The following PRELID2 variants were observed in gnomAD, a reference collection of about 807,000 sequenced individuals.
The protein encoded by PRELID2 is PRELI domain containing 2, also known as PRELI domain-containing protein 2.
A neutral mutation model predicts 28.4 loss-of-function variants in PRELID2; 25 were observed. That is an observed-to-expected ratio of 0.88 (90% confidence interval 0.64 to 1.23). The LOEUF (loss-of-function observed/expected upper bound fraction) is 1.23, where lower values mean the gene tolerates loss of function less well. Ranked by LOEUF, PRELID2 falls within the 50% of genes most tolerant of loss-of-function variation. The pLI, the probability that PRELID2 is intolerant of heterozygous loss-of-function variation, is 0.00. For synonymous variants in PRELID2, 76 were observed against 71.6 expected (o/e 1.06, Z -0.31); for missense variants, 201 against 214.4 (o/e 0.94, Z 0.39).
the PRELID2 span, among the ~76,000 whole-genome samples, chr5:145,412,893 G>A: frequency 6.6e-6 from 1 of 152,124 alleles, no homozygotes; most frequent in African/African-American, 2.4e-5. Flanking sequence ...TGAGTGCTGA[G>A]CAAAGGGGCA....
chr5:145,824,334 G>T (rs1000642888), intron 1 of PRELID2, among the ~76,000 whole-genome samples: 1 of 152,008 alleles, frequency 6.6e-6, no homozygotes, highest in East Asian at 1.9e-4. Flanking sequence ...AAGAAGAAAG[G>T]CCCCTCACTT....
chr5:145,630,884 T>C (rs1348328347), intron 1 of PRELID2, among the ~76,000 whole-genome samples: 1 of 152,212 alleles, frequency 6.6e-6, no homozygotes, highest in African/African-American at 2.4e-5. Context: ...TTGAAGAGAA[T>C]ATATAAACAG....
the PRELID2 span, chr5:145,436,977 A>G: frequency 1.3e-5 from 2 of 152,178 alleles, no homozygotes; most frequent in Admixed American, 6.5e-5. Flanking sequence ...TTTCACGTCT[A>G]TTCTTCTCTT....
At chr5:145,570,936 C>T (rs1330375708) in intron 1 of PRELID2, among the ~76,000 whole-genome samples, 1 of 152,198 alleles carries the variant, frequency 6.6e-6, no homozygotes, top group East Asian at 1.9e-4. Context: ...CTTCCTTTAG[C>T]TTCTACAGTT....
chr5:145,377,696 T>C, the PRELID2 span, among the ~76,000 whole-genome samples: 1 of 152,186 alleles, frequency 6.6e-6, no homozygotes, highest in Non-Finnish European at 1.5e-5. Context: ...CCCCGTTTTC[T>C]TGGTAAATTT....
the PRELID2 span, among the ~76,000 whole-genome samples, chr5:145,303,941 CTAT>C: frequency 2.2e-4 from 33 of 152,220 alleles, no homozygotes; most frequent in Admixed American, 1.6e-3. Context: ...TGCTCAGCGA[CTAT>C]TATCAGAGTA....
the PRELID2 span, among the ~76,000 whole-genome samples, chr5:145,379,206 C>T: frequency 6.6e-6 from 1 of 152,112 alleles, no homozygotes; most frequent in African/African-American, 2.4e-5. Flanking sequence ...GGGGAAGGGG[C>T]CAAGGAGGTG....
chr5:145,457,400 C>T, the PRELID2 span, among the ~76,000 whole-genome samples: 1 of 152,160 alleles, frequency 6.6e-6, no homozygotes, highest in Non-Finnish European at 1.5e-5. Flanking sequence ...TTCTCTCCCC[C>T]ACCCTCTATG....
chr5:145,780,519 G>A (rs1758718618), intron 5 of PRELID2, among the ~76,000 whole-genome samples: 1 of 151,994 alleles, frequency 6.6e-6, no homozygotes, highest in Non-Finnish European at 1.5e-5. Flanking sequence ...AGGGAGCTGA[G>A]GAAAAAGAAC....
chr5:145,760,594 T>C (rs1757428152), intron 6 of PRELID2, 69 bp from the exon 7 acceptor site: 1 of 152,214 alleles, frequency 6.6e-6, no homozygotes, highest in Non-Finnish European at 1.5e-5. Flanking sequence ...TTATTTGCCC[T>C]CTTTTCTGAA....
intron 1 of PRELID2, among the ~76,000 whole-genome samples, chr5:145,614,016 C>A (rs1753660200): frequency 6.6e-6 from 1 of 152,122 alleles, no homozygotes; most frequent in South Asian, 2.1e-4. Flanking sequence ...GATGAGGATC[C>A]AGTTTCATTC....
At chr5:145,620,157 C>T (rs566350022) in intron 1 of PRELID2, among the ~76,000 whole-genome samples, 60 of 152,230 alleles carry the variant, frequency 3.9e-4, no homozygotes, top group African/African-American at 1.3e-3. Context: ...TATTTGTAGT[C>T]GCCCTAAATT....
the PRELID2 span, among the ~76,000 whole-genome samples, chr5:145,290,374 T>G: frequency 0.1 from 15,372 of 152,030 alleles, 1,151 homozygotes; most frequent in African/African-American, 0.22. Flanking sequence ...TGATAGACTG[T>G]ATTAAGAAAA....
chr5:145,318,101 G>C, the PRELID2 span, among the ~76,000 whole-genome samples: 3 of 152,108 alleles, frequency 2.0e-5, no homozygotes, highest in African/African-American at 7.2e-5. Flanking sequence ...CAAATTTATA[G>C]TACATTTTAT....
the PRELID2 span, chr5:145,229,275 G>T: frequency 2.6e-6 from 2 of 756,626 alleles, no homozygotes; most frequent in South Asian, 2.7e-5. Flanking sequence ...TTCTACAACT[G>T]GTTCAAGGGC....
intron 5 of PRELID2, among the ~76,000 whole-genome samples, chr5:145,773,703 A>C (rs1242514596): frequency 3.9e-5 from 6 of 152,256 alleles, no homozygotes; most frequent in Non-Finnish European, 8.8e-5. Flanking sequence ...GCCCAAGTGA[A>C]AAGCAACAAG....
At chr5:145,728,299 T>C (rs1328639840) in intron 1 of PRELID2, 1 of 273,992 alleles carries the variant, frequency 3.6e-6, no homozygotes, top group Non-Finnish European at 7.2e-6. Flanking sequence ...TTCCTGTGAG[T>C]TCCTGCAAGT....
At chr5:145,829,393 A>C (rs1755435053) in intron 1 of PRELID2, among the ~76,000 whole-genome samples, 1 of 151,920 alleles carries the variant, frequency 6.6e-6, no homozygotes, top group Non-Finnish European at 1.5e-5. Flanking sequence ...TCAGCTTTTT[A>C]TTTTCAGGTT....
At chr5:145,771,582 C>T (rs1411989678) in intron 5 of PRELID2, among the ~76,000 whole-genome samples, 2 of 151,644 alleles carry the variant, frequency 1.3e-5, no homozygotes, top group African/African-American at 2.4e-5. Context: ...TGGCTGGGCA[C>T]AGTGGCTCAC....
Sources: gnomAD v4.1 joint callset for allele counts (sites outside exome capture counted in the v4.1 genomes callset) on GRCh38, gnomAD v4.1.1 for gene constraint, MANE v1.5 for transcripts, NCBI Gene and HGNC (gene_info 2026-07-23, HGNC 2026-07-21) for gene names.